The following SYNRG variants were observed in gnomAD, a reference collection of about 807,000 sequenced individuals.
SYNRG encodes the protein synergin gamma.
A neutral mutation model predicts 130.9 loss-of-function variants in SYNRG; 37 were observed. That is an observed-to-expected ratio of 0.28 (90% confidence interval 0.22 to 0.37). The LOEUF is 0.37. Ranked by LOEUF, SYNRG falls within the 10% of genes least tolerant of loss-of-function variation. The pLI is 1.00. For synonymous variants in SYNRG, 539 were observed against 568.1 expected, an observed-to-expected ratio of 0.95 and a Z score of 0.73; for missense variants, 1,338 against 1,588.9, an observed-to-expected ratio of 0.84 and a Z score of 2.68.
Position 37,561,494 on chromosome 17 carries a change from G to A in SYNRG, c.1577C>T (p.Ser526Phe), listed in dbSNP as rs2059529969. Residue 526 changes from serine to phenylalanine, a missense_variant, in exon 12 of 22, where the codon TCT (serine) becomes TTT (phenylalanine). This residue lies in a region of SYNRG where 1,146 missense variants were observed against 1,342.3 expected (regional missense o/e 0.85). Coordinates refer to ENST00000612223, the MANE Select transcript of SYNRG (RefSeq NM_007247.6). ...ACCTCCAGGTGGAACAGTATTTTCA[G>A]AGGACTTGTCAGCTGCAATTCCTTT... ...VFKGIAADKSSENTVPPGDPG... is the reference protein window; with the variant it reads ...VFKGIAADKSFENTVPPGDPG... 1 of 1,613,728 alleles carries A rather than the reference G, an allele frequency of 6.2e-7. No homozygotes were observed. The highest frequency in any genetic ancestry group is 8.5e-7 in the Non-Finnish European group (1 of 1,179,646).
intron 6 of SYNRG, 29 bp from the exon 7 acceptor site, chr17:37,577,642 T>C (rs1293725746): frequency 6.5e-7 from 1 of 1,530,230 alleles, no homozygotes; most frequent in Admixed American, 1.7e-5. Context: ...GGATTATTTG[T>C]ATATAACTGT....
intron 8 of SYNRG, among the ~76,000 whole-genome samples, chr17:37,575,761 G>A (rs562385144): frequency 2.7e-5 from 4 of 150,810 alleles, no homozygotes; most frequent in Non-Finnish European, 4.4e-5. Flanking sequence ...AGGATTGCCT[G>A]AGCCTGGGGA....
intron 3 of SYNRG, among the ~76,000 whole-genome samples, chr17:37,588,929 T>C (rs1177782616): frequency 1.3e-5 from 2 of 152,186 alleles, no homozygotes; most frequent in African/African-American, 4.8e-5. Context: ...ATTTACTAAA[T>C]GGCATTTTGT....
chr17:37,582,523 T>G (rs1180977442), intron 6 of SYNRG, among the ~76,000 whole-genome samples: 2 of 152,136 alleles, frequency 1.3e-5, no homozygotes, highest in Non-Finnish European at 2.9e-5. Flanking sequence ...TTTTGGCCCA[T>G]ACCAACTCTA....
Position 37,542,193 on chromosome 17 carries a change from G to A in SYNRG, c.2981C>T (p.Pro994Leu). Residue 994 changes from proline (P) to leucine (L), a missense_variant, in exon 15 of 22, where the codon CCT becomes CTT. Pro to Leu is a moderately conservative substitution (Grantham distance 98). This residue lies in a region of SYNRG where 1,146 missense variants were observed against 1,342.3 expected (regional missense o/e 0.85). Coordinates refer to ENST00000612223, the MANE Select transcript of SYNRG (RefSeq NM_007247.6). ...GGCCTCCTGGCTCCGTTCAGCCGTA[G>A]GCAGGTCCTGTTTTGTGAAATCTTT... ...DYKDFTKQDL[P>L]TAERSQEATC... The A allele has an allele frequency of 1.9e-6, 3 of 1,614,166 alleles. No individual in the cohort carries two copies. The highest frequency in any genetic ancestry group is 2.5e-6 in the Non-Finnish European group (3 of 1,180,040).
intron 6 of SYNRG, chr17:37,579,495 T>G: frequency 8.2e-7 from 1 of 1,216,220 alleles, no homozygotes; most frequent in East Asian, 5.7e-5. Flanking sequence ...GAAAAAGGAA[T>G]TAAGATGTAG....
At chr17:37,573,691 C>G (rs976155057) in intron 8 of SYNRG, among the ~76,000 whole-genome samples, 4 of 151,988 alleles carry the variant, frequency 2.6e-5, no homozygotes, top group African/African-American at 9.7e-5. Flanking sequence ...TGAGTAGTAT[C>G]AGAAAATGCA....
In SYNRG at chr17:37,541,180, CT is replaced by C. The variant is rs374105594; in HGVS notation, c.3203-638del. On this transcript the variant is annotated intron_variant, in intron 15 of 21. Coordinates refer to ENST00000612223, the MANE Select transcript of SYNRG (RefSeq NM_007247.6). ...ATATCAGTATGTAAGAGTTGTGTGG[CT>C]TTTCCAGTCATTTGTTATGGATTTG... 52 of 985,438 alleles carry C rather than the reference CT, an allele frequency of 5.3e-5. No individual in the cohort carries two copies. In the East Asian group the frequency reaches 2.7e-3, roughly 52 times the overall value. The allele number at this position is 985,438 out of a possible 1,614,324, so 61.0% of individuals were successfully genotyped here. A position where few individuals can be genotyped will look rare whatever the true frequency, so the allele number is the denominator to read the frequency against.
At chr17:37,565,768 C>T (rs1414575770) in intron 11 of SYNRG, among the ~76,000 whole-genome samples, 2 of 149,464 alleles carry the variant, frequency 1.3e-5, no homozygotes, top group Non-Finnish European at 3.0e-5. Context: ...CGTCTCTGCC[C>T]GGCCGCCCCG....
rs2061653101 is a variant in SYNRG, at chr17:37,585,833, C to T, written c.372-403G>A. Among the ~76,000 whole-genome samples the T allele has an allele frequency of 2.0e-5, 3 of 152,254 alleles. No individual in the cohort carries two copies. In the South Asian group the frequency reaches 6.2e-4, roughly 32 times the overall value. The stretch of plus-strand genomic sequence containing the variant: ...ATGATTTGGGAATCAGGAAGCCTGC[C>T]TTTGGGTCCAGGCTTTGCTGGTAAC... On this transcript the variant is annotated intron_variant, in intron 4 of 21. Coordinates refer to ENST00000612223, the MANE Select transcript of SYNRG (RefSeq NM_007247.6).
chr17:37,541,944 A>G (rs2057802054), intron 15 of SYNRG, 28 bp downstream of exon 15: 2 of 1,584,560 alleles, frequency 1.3e-6, no homozygotes, highest in Non-Finnish European at 1.7e-6. Flanking sequence ...AAACCACAAT[A>G]GTAAAATCTA....
intron 13 of SYNRG, among the ~76,000 whole-genome samples, chr17:37,555,319 G>C (rs1458283620): frequency 6.6e-6 from 1 of 152,072 alleles, no homozygotes; most frequent in Non-Finnish European, 1.5e-5. Flanking sequence ...TAGAGACGGG[G>C]TTTCACCACG....
At chr17:37,530,028 G>C (rs1032405175) in intron 19 of SYNRG, among the ~76,000 whole-genome samples, 2 of 152,148 alleles carry the variant, frequency 1.3e-5, no homozygotes, top group African/African-American at 4.8e-5. Context: ...AGAGCAATGT[G>C]CAGAAAAGAA....
chr17:37,531,047 G>A (rs571484258), intron 19 of SYNRG, among the ~76,000 whole-genome samples: 1 of 152,226 alleles, frequency 6.6e-6, no homozygotes, highest in East Asian at 1.9e-4. Flanking sequence ...TCAAGAGTTT[G>A]AGACAAGCCT....
At chr17:37,541,469 C>T (rs1598208119) in intron 15 of SYNRG, 1 of 163,284 alleles carries the variant, frequency 6.1e-6, no homozygotes, top group South Asian at 1.8e-4. Context: ...GATATTATGA[C>T]TTCTCAAGAA....
chr17:37,605,514 G>A (rs569989329), intron 1 of SYNRG, among the ~76,000 whole-genome samples: 2 of 152,270 alleles, frequency 1.3e-5, no homozygotes, highest in Non-Finnish European at 2.9e-5. Flanking sequence ...ATAAACAGAT[G>A]TATAAAGGTT....
At chr17:37,554,991 G>GCT (rs1166860121) in intron 13 of SYNRG, among the ~76,000 whole-genome samples, 1 of 151,954 alleles carries the variant, frequency 6.6e-6, no homozygotes, top group East Asian at 1.9e-4. Context: ...CCATGACACA[G>GCT]CTCTCAAGAG....
chr17:37,524,759 A>G (rs958250453), intron 19 of SYNRG, among the ~76,000 whole-genome samples: 1 of 152,230 alleles, frequency 6.6e-6, no homozygotes, highest in African/African-American at 2.4e-5. Context: ...ATGCTCTGGA[A>G]GTGAAAAGTA....
intron 1 of SYNRG, among the ~76,000 whole-genome samples, chr17:37,603,258 C>T (rs1019625728): frequency 1.7e-4 from 26 of 152,072 alleles, no homozygotes; most frequent in African/African-American, 6.3e-4. Context: ...AATCCCAGCA[C>T]TTTGGGGGGC....
Sources: allele counts gnomAD v4.1 joint callset (sites outside exome capture counted in the v4.1 genomes callset), GRCh38; gene constraint gnomAD v4.1.1; regional missense constraint gnomAD v4.1.1; transcripts MANE v1.5; gene names NCBI Gene and HGNC (gene_info 2026-07-23, HGNC 2026-07-21).